PTPRK: variants seen among roughly 807,000 people sequenced by gnomAD.
The protein encoded by PTPRK is receptor-type tyrosine-protein phosphatase kappa.
In PTPRK, 75 loss-of-function variants were observed where a neutral mutation model predicts 178.0. The observed-to-expected ratio is 0.42, with a 90% CI of 0.35 to 0.51. The LOEUF is 0.51. PTPRK is among the 20% of genes least tolerant of loss of function. The probability of loss-of-function intolerance (pLI) is 0.02; values close to 1 mark genes in which losing one functional copy is unlikely to be tolerated. For missense variants in PTPRK, 1,441 were observed against 1,797.8 expected (o/e 0.80, Z 3.59); for synonymous variants, 637 against 620.6 (o/e 1.03, Z -0.39).
At chr6:128,090,013 G>A (rs749899237) in intron 7 of PTPRK, 21 bp from the exon 8 acceptor site, 1 of 1,534,690 alleles carries the variant, frequency 6.5e-7, no homozygotes, top group African/African-American at 1.4e-5. Flanking sequence ...AATCAGAGTT[G>A]TAGACAGCTG....
Position 127,981,185 on chromosome 6 carries a change from G to A in PTPRK, c.3642C>T (p.Asp1214=), listed in dbSNP as rs1476984218. 3.7e-6 allele frequency: 6 copies of A among 1,613,958 alleles called. No homozygotes were observed. Among genetic ancestry groups the A allele is most frequent in the Non-Finnish European group, 5.1e-6 (6 of 1,179,970 alleles). The change falls in exon 25 of 30, where the codon GAC becomes GAT. Residue 1214 remains aspartate, a synonymous_variant. Transcript: ENST00000368226. ...KNRFMDMLPP[D]RCLPFLITID... ...TTGTAATTAAAAAAGGCAGACATCT[G>A]TCAGGTGGCAGCATGTCCATGAAAC...
intron 7 of PTPRK, among the ~76,000 whole-genome samples, chr6:128,137,752 C>A (rs1012766165): frequency 6.6e-6 from 1 of 151,760 alleles, no homozygotes; most frequent in Non-Finnish European, 1.5e-5. Context: ...TAAAGAATAG[C>A]CAAAGTAATT....
chr6:128,169,964 T>C (rs1307893809), intron 7 of PTPRK, among the ~76,000 whole-genome samples: 2 of 152,062 alleles, frequency 1.3e-5, no homozygotes, highest in African/African-American at 4.8e-5. Flanking sequence ...ACAAAATAAA[T>C]GTTGAAACGT....
intron 1 of PTPRK, among the ~76,000 whole-genome samples, chr6:128,489,816 A>C (rs1853504458): frequency 6.6e-6 from 1 of 152,154 alleles, no homozygotes; most frequent in South Asian, 2.1e-4. Context: ...ACTTTTTATA[A>C]TTTCCCAGAT....
At chr6:128,116,025 G>A (rs1485358053) in intron 7 of PTPRK, among the ~76,000 whole-genome samples, 2 of 151,804 alleles carry the variant, frequency 1.3e-5, no homozygotes, top group East Asian at 3.9e-4. Flanking sequence ...ACTACTCACA[G>A]ACTATTGCTT....
chr6:128,236,216 A>G (rs1240683153), intron 5 of PTPRK, among the ~76,000 whole-genome samples: 1 of 152,130 alleles, frequency 6.6e-6, no homozygotes, highest in East Asian at 1.9e-4. Context: ...GTTCATGTGG[A>G]AAAAATTTAC....
intron 1 of PTPRK, among the ~76,000 whole-genome samples, chr6:128,409,745 T>C (rs1842086006): frequency 6.6e-6 from 1 of 152,142 alleles, no homozygotes; most frequent in Admixed American, 6.6e-5. Context: ...TTTCCCATGC[T>C]GTTGTAGTTG....
intron 1 of PTPRK, among the ~76,000 whole-genome samples, chr6:128,466,862 C>A (rs192273322): frequency 1.3e-5 from 2 of 151,922 alleles, no homozygotes; most frequent in Admixed American, 1.3e-4. Flanking sequence ...AATGAATAAA[C>A]CCTTAAAAAA....
chr6:128,012,366 C>G (rs753718033), intron 13 of PTPRK, among the ~76,000 whole-genome samples: 9 of 151,238 alleles, frequency 6.0e-5, no homozygotes, highest in Non-Finnish European at 8.9e-5. Context: ...GCAGTAGCCC[C>G]TAAGTCAGCA....
At chr6:128,266,828 C>T (rs1287069478) in intron 3 of PTPRK, among the ~76,000 whole-genome samples, 2 of 152,010 alleles carry the variant, frequency 1.3e-5, no homozygotes, top group African/African-American at 2.4e-5. Context: ...GCCTAACCAG[C>T]GGGGCTTGTG....
Position 128,261,832 on chromosome 6 carries a change from A to C in PTPRK, c.496-19230T>G, listed in dbSNP as rs116500125. Among the ~76,000 whole-genome samples the C allele has an allele frequency of 6.0e-3, 920 of 152,302 alleles. 11 individuals are homozygous for C. The highest frequency in any genetic ancestry group is 0.021 in the African/African-American group (871 of 41,566). On this transcript the variant is annotated intron_variant, in intron 3 of 29. Transcript: ENST00000368226. ...TATATTAACAGTTAAAAGCAAAAAG[A>C]AGCAACTGGTGGGTCAAGCAAACTT... is the stretch of plus-strand genomic sequence containing the variant.
chr6:128,200,203 G>C (rs1805662917), intron 6 of PTPRK, among the ~76,000 whole-genome samples: 1 of 152,072 alleles, frequency 6.6e-6, no homozygotes, highest in Non-Finnish European at 1.5e-5. Context: ...TTAATGTCTT[G>C]ATATTATTTG....
At chr6:128,509,896 T>C (rs1856920072) in intron 1 of PTPRK, among the ~76,000 whole-genome samples, 1 of 152,082 alleles carries the variant, frequency 6.6e-6, no homozygotes, top group Non-Finnish European at 1.5e-5. Context: ...TTCCTGAGCA[T>C]TTAAGTGTTG....
At chr6:128,158,380 G>A (rs1372990140) in intron 7 of PTPRK, among the ~76,000 whole-genome samples, 8 of 151,892 alleles carry the variant, frequency 5.3e-5, no homozygotes, top group Non-Finnish European at 1.2e-4. Context: ...TGCGCGTTGT[G>A]CACATGTACC....
At position 128,085,929 on chromosome 6, in the gene PTPRK, AT is replaced by A. The variant is rs377721132; in HGVS notation, c.1466-2106del. Among the ~76,000 whole-genome samples, 489 of 152,340 alleles carry A rather than the reference AT, an allele frequency of 3.2e-3. 1 individual carries two copies. The highest frequency in any genetic ancestry group is 0.011 in the African/African-American group (462 of 41,590). On this transcript the variant is annotated intron_variant, in intron 8 of 29. Transcript: ENST00000368226. ...TGAGGTGTGAGCACAAACAAAGTAG[AT>A]TCAATAACTTTCTACATTTGAAGGA...
Position 128,168,833 on chromosome 6 carries a change from C to A in PTPRK, c.1162+15599G>T, listed in dbSNP as rs190233986. Among the ~76,000 whole-genome samples, 507 of 152,146 alleles carry A rather than the reference C, an allele frequency of 3.3e-3. 5 individuals carry two copies. The highest frequency in any genetic ancestry group is 0.011 in the African/African-American group (465 of 41,546). On this transcript the variant is annotated intron_variant, in intron 7 of 29. Coordinates refer to ENST00000368226, the MANE Select transcript of PTPRK (RefSeq NM_002844.4). ...ATTCACAATAGCCAAGATATGAAAACAAGCTAAATGCCCATCAGTGGATAA... is the reference window on the plus strand; with the variant it reads ...ATTCACAATAGCCAAGATATGAAAAAAAGCTAAATGCCCATCAGTGGATAA...
At chr6:128,107,012 C>T (rs1336129055) in intron 7 of PTPRK, among the ~76,000 whole-genome samples, 1 of 151,998 alleles carries the variant, frequency 6.6e-6, no homozygotes, top group Non-Finnish European at 1.5e-5. Flanking sequence ...AAAGAAATAT[C>T]CACTTGGCTA....
chr6:128,002,520 A>G (rs1238713795), intron 15 of PTPRK, among the ~76,000 whole-genome samples: 2 of 151,928 alleles, frequency 1.3e-5, no homozygotes, highest in Non-Finnish European at 2.9e-5. Context: ...TCTTAAATAT[A>G]TAGGTAGGTT....
intron 6 of PTPRK, among the ~76,000 whole-genome samples, chr6:128,213,755 C>CA (rs1373558736): frequency 2.0e-5 from 3 of 151,824 alleles, no homozygotes; most frequent in South Asian, 2.1e-4. Context: ...ATAAAAACAC[C>CA]AAAAAAATTC....
Sources: allele counts gnomAD v4.1 joint callset (sites outside exome capture counted in the v4.1 genomes callset), GRCh38; gene constraint gnomAD v4.1.1; transcripts MANE v1.5; gene names NCBI Gene and HGNC (gene_info 2026-07-23, HGNC 2026-07-21).